Variants in DNAI4 observed in about 807,000 individuals in gnomAD.
The protein encoded by DNAI4 is dynein axonemal intermediate chain 4.
In DNAI4, 85 loss-of-function variants were observed where a neutral mutation model predicts 105.8. The observed-to-expected ratio is 0.80, with a 90% CI of 0.67 to 0.96. The LOEUF (loss-of-function observed/expected upper bound fraction) is 0.96, where lower values mean the gene tolerates loss of function less well. DNAI4 is among the 40% of genes least tolerant of loss of function. DNAI4 has a pLI of 0.00. For synonymous variants in DNAI4, 352 were observed against 331.5 expected (o/e 1.06, Z -0.67); for missense variants, 1,014 against 1,005.6 (o/e 1.01, Z -0.11).
Position 66,886,928 on chromosome 1 carries a change from C to T in DNAI4, c.643+4226G>A, listed in dbSNP as rs146671279. ...CTATAGTTTCAAAATTACCCTCTGG[C>T]AAATTTCCCCCACCCCCCATCCCCA... On this transcript the variant is annotated intron_variant, in intron 4 of 16. Transcript: ENST00000371026. Among the ~76,000 whole-genome samples the T allele has an allele frequency of 1.3e-3, 192 of 152,178 alleles. 3 individuals are homozygous for T. The highest frequency in any genetic ancestry group is 4.3e-3 in the African/African-American group (178 of 41,496).
intron 3 of DNAI4, 29 bp downstream of exon 3, chr1:66,893,200 A>C: frequency 7.7e-7 from 1 of 1,293,466 alleles, no homozygotes; most frequent in Non-Finnish European, 1.0e-6. Flanking sequence ...TATGATAGAA[A>C]AAAGGAACTA....
chr1:66,892,995 AAGAGAGAAAGAGAG>A (rs1281643238), intron 3 of DNAI4, among the ~76,000 whole-genome samples: 5 of 114,652 alleles, frequency 4.4e-5, no homozygotes, highest in African/African-American at 2.0e-4. Flanking sequence ...GAAAGAAAGA[AAGAGAGAAAGAGAG>A]AGAGGAAAGA....
rs1411819272 is a variant in DNAI4 at position 66,893,059 on chromosome 1, GAGAGAGAAAGAA to G, written c.530+158_530+169del. 2.4e-3 allele frequency among the ~76,000 whole-genome samples: 135 copies of G among 56,494 alleles called. 3 individuals are homozygous for G. The highest frequency in any genetic ancestry group is 2.2e-3 in the Non-Finnish European group (60 of 27,088). The allele number at this position is 56,494 out of a possible 152,430, so 37.1% of individuals were successfully genotyped here. On this transcript the variant is annotated intron_variant, in intron 3 of 16. Transcript: ENST00000371026. ...GGAAAGAAAGAAAGAAAGAAAGAGA[GAGAGAGAAAGAA>G]AGAAAGAAAGAAAGAAAGAAAGAAA...
chr1:66,841,590 T>G (rs1449625834), intron 8 of DNAI4, among the ~76,000 whole-genome samples: 1 of 152,174 alleles, frequency 6.6e-6, no homozygotes, highest in Non-Finnish European at 1.5e-5. Context: ...CAGGCTGGTC[T>G]TGAACTCCTG....
intron 4 of DNAI4, among the ~76,000 whole-genome samples, chr1:66,875,983 T>C (rs1312328089): frequency 6.6e-6 from 1 of 152,146 alleles, no homozygotes; most frequent in Non-Finnish European, 1.5e-5. Flanking sequence ...GTAATAAGAA[T>C]GTAAAATATT....
Position 66,876,544 on chromosome 1 carries a change from C to G in DNAI4, c.644-1607G>C, listed in dbSNP as rs114091133. On this transcript the variant is annotated intron_variant, in intron 4 of 16. Coordinates refer to ENST00000371026, the MANE Select transcript of DNAI4 (RefSeq NM_024763.5). ...TCTTGATGGCAGAGGACTTACCATTCATAGACAAAGCCCTAGGATGGCAAA... is the reference window on the plus strand; with the variant it reads ...TCTTGATGGCAGAGGACTTACCATTGATAGACAAAGCCCTAGGATGGCAAA... Among the ~76,000 whole-genome samples the G allele has an allele frequency of 7.1e-3, 1,075 of 152,198 alleles. 6 individuals carry two copies. Among genetic ancestry groups the G allele is most frequent in the African/African-American group, 0.024 (1,012 of 41,548 alleles).
intron 1 of DNAI4, chr1:66,919,055 C>T (rs1300437122): frequency 1.6e-5 from 7 of 428,996 alleles, no homozygotes; most frequent in Admixed American, 9.8e-5. Flanking sequence ...TCAAGTTGTC[C>T]CTGCCTTTCT....
chr1:66,834,158 T>A lies in DNAI4; in HGVS notation c.1734-10A>T, dbSNP rs775273560. On this transcript the variant is annotated splice_polypyrimidine_tract_variant and intron_variant, in intron 11 of 16. Coordinates refer to ENST00000371026, the MANE Select transcript of DNAI4 (RefSeq NM_024763.5). Reference sequence around the variant, plus strand: ...TTTTTGAGGTGATTCACTAAAACAGTAAAAAAAATACTAAACATATAATCA... The same window carrying A: ...TTTTTGAGGTGATTCACTAAAACAGAAAAAAAAATACTAAACATATAATCA... The A allele has an allele frequency of 1.3e-6, 2 of 1,581,656 alleles. No homozygotes were observed. The highest frequency in any genetic ancestry group is 2.3e-5 in the East Asian group (1 of 43,604).
chr1:66,817,033 C>T (rs892763809), intron 16 of DNAI4, among the ~76,000 whole-genome samples: 1 of 151,876 alleles, frequency 6.6e-6, no homozygotes, highest in East Asian at 1.9e-4. Flanking sequence ...GCTTTTATCA[C>T]TCAACACTGT....
chr1:66,867,385 CTATTTTA>C (rs1357640579), intron 6 of DNAI4, among the ~76,000 whole-genome samples: 1 of 152,148 alleles, frequency 6.6e-6, no homozygotes, highest in Non-Finnish European at 1.5e-5. Context: ...CCTCCATTTT[CTATTTTA>C]GGAACCATTA....
intron 1 of DNAI4, among the ~76,000 whole-genome samples, chr1:66,907,428 T>C (rs186755064): frequency 7.2e-5 from 11 of 152,290 alleles, no homozygotes; most frequent in Admixed American, 1.3e-4. Flanking sequence ...ATTCTCTTCC[T>C]CCTTAACATT....
chr1:66,824,994 G>C (rs1044613396), intron 15 of DNAI4, among the ~76,000 whole-genome samples: 1 of 152,132 alleles, frequency 6.6e-6, no homozygotes, highest in Non-Finnish European at 1.5e-5. Context: ...CTGCACTGCA[G>C]ATTTCATACT....
At chr1:66,880,473 C>T (rs747460840) in intron 4 of DNAI4, among the ~76,000 whole-genome samples, 3 of 152,130 alleles carry the variant, frequency 2.0e-5, no homozygotes. Context: ...ATGAAGGGCT[C>T]GTTGGGAACT....
In DNAI4 at chr1:66,826,424, A is replaced by T. The variant is rs7532397; in HGVS notation, c.2339+396T>A. Among the ~76,000 whole-genome samples, 1,419 of 151,822 alleles carry T rather than the reference A, an allele frequency of 9.3e-3. 20 individuals are homozygous for T. Among genetic ancestry groups the T allele is most frequent in the African/African-American group, 0.033 (1,345 of 41,338 alleles). ...AATGATTCTCCTGTTTCAGGCTTCC[A>T]AGTAGCTGGAACTACAGGTGCATGC... On this transcript the variant is annotated intron_variant, in intron 15 of 16. Coordinates refer to ENST00000371026, the MANE Select transcript of DNAI4 (RefSeq NM_024763.5).
chr1:66,823,478 C>T (rs1437346489), intron 15 of DNAI4, among the ~76,000 whole-genome samples: 9 of 149,162 alleles, frequency 6.0e-5, no homozygotes, highest in Middle Eastern at 3.5e-3. Flanking sequence ...CCTGAGGAAT[C>T]GCCACACTGA....
intron 4 of DNAI4, among the ~76,000 whole-genome samples, chr1:66,887,332 T>G (rs1647243730): frequency 6.6e-6 from 1 of 152,218 alleles, no homozygotes; most frequent in South Asian, 2.1e-4. Context: ...CACAGTTCTC[T>G]GATAAGCCCA....
intron 9 of DNAI4, among the ~76,000 whole-genome samples, chr1:66,839,700 C>G (rs574070466): frequency 1.3e-5 from 2 of 152,212 alleles, no homozygotes; most frequent in East Asian, 3.9e-4. Flanking sequence ...ATAATTATCT[C>G]TTTTTTACAA....
intron 15 of DNAI4, among the ~76,000 whole-genome samples, chr1:66,822,813 C>T (rs1041072442): frequency 6.6e-6 from 1 of 151,986 alleles, no homozygotes; most frequent in Non-Finnish European, 1.5e-5. Context: ...GGCTATGGTA[C>T]CCAGAGGTTT....
Position 66,887,754 on chromosome 1 carries a change from C to G in DNAI4, c.643+3400G>C, listed in dbSNP as rs189150767. Among the ~76,000 whole-genome samples, 267 of 152,042 alleles carry G rather than the reference C, an allele frequency of 1.8e-3. 1 individual carries two copies. Among genetic ancestry groups the G allele is most frequent in the Admixed American group, 4.9e-3 (74 of 15,254 alleles). On this transcript the variant is annotated intron_variant, in intron 4 of 16. Transcript: ENST00000371026. ...TTTGGGAGGCCAAGGCGGCGGATCA[C>G]TCGAGACCAGCCTGGCAAAAAAGGT...
Sources: gnomAD v4.1 joint callset for allele counts (sites outside exome capture counted in the v4.1 genomes callset) on GRCh38, gnomAD v4.1.1 for gene constraint, MANE v1.5 for transcripts, NCBI Gene and HGNC (gene_info 2026-07-23, HGNC 2026-07-21) for gene names.